ACVR1: variants seen among roughly 807,000 people sequenced by gnomAD.
The protein encoded by ACVR1 is activin A receptor type 1.
ACVR1 carries 38 observed loss-of-function variants against 57.1 expected under a neutral mutation model. The observed-to-expected ratio is 0.67, with a 90% CI of 0.51 to 0.87. The LOEUF (loss-of-function observed/expected upper bound fraction) is 0.87, where lower values mean the gene tolerates loss of function less well. ACVR1 is among the 40% of genes least tolerant of loss of function. ACVR1 has a pLI of 0.00. For missense variants in ACVR1, 463 were observed against 638.2 expected, an observed-to-expected ratio of 0.73 and a Z score of 2.96; for synonymous variants, 212 against 228.1, an observed-to-expected ratio of 0.93 and a Z score of 0.63.
At chr2:157,767,327 A>G (rs920860465) in intron 7 of ACVR1, among the ~76,000 whole-genome samples, 10 of 152,274 alleles carry the variant, frequency 6.6e-5, no homozygotes, top group Middle Eastern at 6.8e-3. Flanking sequence ...AGACATCGCG[A>G]TCAGCCCGGA....
intron 9 of ACVR1, among the ~76,000 whole-genome samples, chr2:157,759,726 T>C (rs1029117227): frequency 6.6e-6 from 1 of 151,840 alleles, no homozygotes; most frequent in Non-Finnish European, 1.5e-5. Flanking sequence ...CAACAACACA[T>C]AAAAAAGATA....
At chr2:157,770,601 T>G (rs1023773916) in intron 6 of ACVR1, 87 bp from the exon 7 acceptor site, 16 of 1,338,926 alleles carry the variant, frequency 1.2e-5, no homozygotes, top group Non-Finnish European at 1.6e-5. Context: ...ATTTAGTGCA[T>G]GCAACTCTTA....
At chr2:157,792,974 C>T (rs1008811299) in intron 3 of ACVR1, among the ~76,000 whole-genome samples, 4 of 152,288 alleles carry the variant, frequency 2.6e-5, no homozygotes, top group Non-Finnish European at 4.4e-5. Flanking sequence ...CTGAGTTCAT[C>T]CCGGGCTGCA....
chr2:157,855,189 G>A (rs1689466996), intron 1 of ACVR1, among the ~76,000 whole-genome samples: 1 of 150,844 alleles, frequency 6.6e-6, no homozygotes. Context: ...GCCAAGGAGG[G>A]CAGACTGCTT....
At chr2:157,857,143 AGCCATGATTGT>A (rs1689561892) in intron 1 of ACVR1, among the ~76,000 whole-genome samples, 1 of 152,204 alleles carries the variant, frequency 6.6e-6, no homozygotes, top group African/African-American at 2.4e-5. Context: ...GGCTGCAGTG[AGCCATGATTGT>A]GCCACTGCAA....
Position 157,766,108 on chromosome 2 carries a change from G to T in ACVR1, c.879C>A (p.Asp293Glu). Residue 293 changes from aspartate (D) to glutamate (E), a missense_variant, in exon 8 of 11, where the codon GAC becomes GAA. By Grantham distance (45) the Asp-to-Glu change is conservative (BLOSUM62 2). Coordinates refer to ENST00000434821, the MANE Select transcript of ACVR1 (RefSeq NM_001111067.4). ...THYHEMGSLY[D>E]YLQLTTLDTV... ...TATCCAGAGTAGTAAGCTGAAGATA[G>T]TCGTACAACGATCCCATTTCATGAT... 1.2e-6 allele frequency: 2 copies of T among 1,614,092 alleles called. No homozygotes were observed. The highest frequency in any genetic ancestry group is 2.2e-5 in the East Asian group (1 of 44,872).
chr2:157,825,303 T>C (rs1688305594), intron 1 of ACVR1, among the ~76,000 whole-genome samples: 3 of 152,212 alleles, frequency 2.0e-5, no homozygotes, highest in Non-Finnish European at 2.9e-5. Context: ...CTTCATTTTT[T>C]TCAAGTTCCA....
At chr2:157,795,463 G>A (rs1165929261) in intron 3 of ACVR1, among the ~76,000 whole-genome samples, 2 of 147,902 alleles carry the variant, frequency 1.4e-5, no homozygotes, top group South Asian at 2.1e-4. Context: ...GAGGAAAGAC[G>A]GCACTAAGGC....
intron 1 of ACVR1, among the ~76,000 whole-genome samples, chr2:157,826,346 G>A (rs1317569489): frequency 6.6e-6 from 1 of 152,058 alleles, no homozygotes; most frequent in Admixed American, 6.6e-5. Flanking sequence ...AAATATTTGT[G>A]GCATGAATGA....
At chr2:157,794,784 A>G (rs1306025444) in intron 3 of ACVR1, among the ~76,000 whole-genome samples, 1 of 152,202 alleles carries the variant, frequency 6.6e-6, no homozygotes, top group Non-Finnish European at 1.5e-5. Flanking sequence ...TATATTGGAA[A>G]GCATTTTCCA....
At chr2:157,806,413 C>T (rs112704961) in intron 2 of ACVR1, among the ~76,000 whole-genome samples, 2,505 of 152,250 alleles carry the variant, frequency 0.016, 34 homozygotes, top group Middle Eastern at 0.082. Context: ...CTCTTCAGTT[C>T]TCTTGTAAAC....
At chr2:157,765,491 C>G (rs761954618) in intron 8 of ACVR1, among the ~76,000 whole-genome samples, 1 of 151,986 alleles carries the variant, frequency 6.6e-6, no homozygotes, top group Non-Finnish European at 1.5e-5. Context: ...CTCTGTATCT[C>G]GACAGGGATT....
intron 1 of ACVR1, among the ~76,000 whole-genome samples, chr2:157,858,567 G>A (rs1343253476): frequency 6.6e-6 from 1 of 152,142 alleles, no homozygotes; most frequent in African/African-American, 2.4e-5. Flanking sequence ...CATCTTGAGG[G>A]TTCAAGAGAT....
chr2:157,798,456 C>T (rs995010701), intron 3 of ACVR1, among the ~76,000 whole-genome samples: 1 of 145,854 alleles, frequency 6.9e-6, no homozygotes, highest in African/African-American at 2.6e-5. Flanking sequence ...GCATGTATTA[C>T]TTCATCATGT....
At chr2:157,779,545 G>A (rs961008954) in intron 4 of ACVR1, among the ~76,000 whole-genome samples, 7 of 152,116 alleles carry the variant, frequency 4.6e-5, no homozygotes, top group Non-Finnish European at 7.3e-5. Context: ...TTGGATGCTC[G>A]TCGTTACCTC....
chr2:157,780,532 C>T lies in ACVR1; in HGVS notation c.136G>A (p.Asp46Asn), dbSNP rs1686468140. Residue 46 changes from aspartate to asparagine, a missense_variant, in exon 4 of 11, where the codon GAC becomes AAC. This residue lies in a region of ACVR1 where 203 missense variants were observed against 235.5 expected (regional missense o/e 0.86). Transcript: ENST00000434821. ...VCEGLSCGNE[D>N]HCEGQQCFSS... ...AAGCACTGCTGGCCTTCACAGTGGT[C>T]CTCATTACCGCAGGAGAGACCTTCA... The T allele has an allele frequency of 1.2e-6, 2 of 1,613,738 alleles. No individual in the cohort carries two copies. Among genetic ancestry groups the T allele is most frequent in the Non-Finnish European group, 1.7e-6 (2 of 1,179,986 alleles).
At chr2:157,839,437 C>T (rs1276455232) in intron 1 of ACVR1, among the ~76,000 whole-genome samples, 1 of 152,234 alleles carries the variant, frequency 6.6e-6, no homozygotes, top group African/African-American at 2.4e-5. Context: ...GCTTGAAGCA[C>T]TGCCAAAATG....
intron 4 of ACVR1, among the ~76,000 whole-genome samples, chr2:157,778,962 GTC>G (rs1686403550): frequency 6.6e-6 from 1 of 151,994 alleles, no homozygotes; most frequent in South Asian, 2.1e-4. Context: ...CATATTACTG[GTC>G]TCTTCAGCCA....
At chr2:157,853,060 C>T (rs973806308) in intron 1 of ACVR1, among the ~76,000 whole-genome samples, 3 of 152,250 alleles carry the variant, frequency 2.0e-5, no homozygotes, top group Non-Finnish European at 4.4e-5. Context: ...TAAATAACGA[C>T]TTGTTCCATG....
Sources: allele counts gnomAD v4.1 joint callset (sites outside exome capture counted in the v4.1 genomes callset), GRCh38; gene constraint gnomAD v4.1.1; regional missense constraint gnomAD v4.1.1; transcripts MANE v1.5; gene names NCBI Gene and HGNC (gene_info 2026-07-23, HGNC 2026-07-21).